The following NRXN3 variants were observed in gnomAD, a reference collection of about 807,000 sequenced individuals.
The protein encoded by NRXN3 is neurexin 3.
In NRXN3, 32 loss-of-function variants were observed where a neutral mutation model predicts 137.6. That is an observed-to-expected ratio of 0.23 (90% CI 0.18 to 0.31). NRXN3 has a LOEUF of 0.31. Ranked by LOEUF, NRXN3 falls within the 10% of genes least tolerant of loss-of-function variation. NRXN3 has a pLI of 1.00. For missense variants in NRXN3, 1,574 were observed against 2,062.5 expected, an observed-to-expected ratio of 0.76 and a Z score of 4.59; for synonymous variants, 798 against 784.5, an observed-to-expected ratio of 1.02 and a Z score of -0.29.
intron 10 of NRXN3, among the ~76,000 whole-genome samples, chr14:78,948,339 A>G (rs1390595639): frequency 6.6e-6 from 1 of 152,124 alleles, no homozygotes; most frequent in African/African-American, 2.4e-5. Context: ...CCATTCTTTG[A>G]TATTTACCCC....
At chr14:78,606,621 A>C (rs1015422331) in intron 4 of NRXN3, among the ~76,000 whole-genome samples, 1 of 152,194 alleles carries the variant, frequency 6.6e-6, no homozygotes, top group African/African-American at 2.4e-5. Flanking sequence ...TCTGGAACCT[A>C]ACACAGTGTC....
intron 15 of NRXN3, among the ~76,000 whole-genome samples, chr14:79,114,737 A>G (rs1323652640): frequency 2.0e-5 from 3 of 152,126 alleles, no homozygotes; most frequent in African/African-American, 7.2e-5. Context: ...TATGTTGCTC[A>G]GGCTGGAATC....
intron 20 of NRXN3, among the ~76,000 whole-genome samples, chr14:79,859,751 C>T (rs1316925920): frequency 6.6e-6 from 1 of 152,176 alleles, no homozygotes; most frequent in Non-Finnish European, 1.5e-5. Flanking sequence ...CAGTTGACAG[C>T]TCAATGGGTC....
intron 4 of NRXN3, among the ~76,000 whole-genome samples, chr14:78,417,158 G>A (rs1370383953): frequency 2.0e-5 from 3 of 152,208 alleles, no homozygotes; most frequent in Admixed American, 6.5e-5. Flanking sequence ...CCTGTGGGAT[G>A]TTGTCCACAC....
At chr14:79,183,731 C>T (rs57587615) in intron 15 of NRXN3, among the ~76,000 whole-genome samples, 1,689 of 152,290 alleles carry the variant, frequency 0.011, 29 homozygotes, top group African/African-American at 0.038. Context: ...CTGCTTACAA[C>T]GGCATCCTGT....
intron 15 of NRXN3, among the ~76,000 whole-genome samples, chr14:79,466,420 T>C (rs1226759652): frequency 6.6e-6 from 1 of 152,052 alleles, no homozygotes; most frequent in Non-Finnish European, 1.5e-5. Context: ...ACTCCGTCTC[T>C]ACTAAAAATA....
intron 15 of NRXN3, among the ~76,000 whole-genome samples, chr14:79,308,147 C>T (rs1160194692): frequency 6.6e-6 from 1 of 152,122 alleles, no homozygotes; most frequent in Non-Finnish European, 1.5e-5. Flanking sequence ...TCTTCTAATA[C>T]AGTCACATTC....
intron 15 of NRXN3, among the ~76,000 whole-genome samples, chr14:79,090,010 TA>T (rs1568253960): frequency 6.6e-6 from 1 of 152,232 alleles, no homozygotes; most frequent in African/African-American, 2.4e-5. Flanking sequence ...TTGAGGCCTC[TA>T]AACTAACACA....
At chr14:79,840,731 A>G (rs141985418) in intron 20 of NRXN3, among the ~76,000 whole-genome samples, 1 of 152,354 alleles carries the variant, frequency 6.6e-6, no homozygotes, top group East Asian at 1.9e-4. Flanking sequence ...AAACTAAAGC[A>G]TTTAACACGA....
intron 4 of NRXN3, among the ~76,000 whole-genome samples, chr14:78,521,188 A>G (rs899695628): frequency 2.2e-4 from 34 of 152,108 alleles, no homozygotes; most frequent in African/African-American, 7.7e-4. Flanking sequence ...CCCCACTCTA[A>G]TTCCTTTCAC....
intron 19 of NRXN3, among the ~76,000 whole-genome samples, chr14:79,785,866 C>G (rs565685423): frequency 6.6e-6 from 1 of 152,062 alleles, no homozygotes; most frequent in Non-Finnish European, 1.5e-5. Context: ...TGTTAGTCTC[C>G]TTAACATCAT....
At chr14:79,290,661 C>CAG (rs1491448176) in intron 15 of NRXN3, among the ~76,000 whole-genome samples, 1 of 109,160 alleles carries the variant, frequency 9.2e-6, no homozygotes, top group South Asian at 3.4e-4. Flanking sequence ...CTGGTGGTTC[C>CAG]AGAAAAAAAA....
chr14:78,731,607 ATGTGTG>A (rs149686835), intron 8 of NRXN3, among the ~76,000 whole-genome samples: 38 of 148,834 alleles, frequency 2.6e-4, no homozygotes, highest in African/African-American at 6.9e-4. Flanking sequence ...GTATATATAT[ATGTGTG>A]TGTGTGTGTG....
intron 10 of NRXN3, among the ~76,000 whole-genome samples, chr14:78,834,717 G>A (rs1393471810): frequency 1.3e-5 from 2 of 152,092 alleles, no homozygotes; most frequent in Admixed American, 1.3e-4. Context: ...AATTTCCTCT[G>A]CCTTCTTGCT....
At chr14:79,073,333 T>C (rs1288886384) in intron 15 of NRXN3, among the ~76,000 whole-genome samples, 1 of 152,182 alleles carries the variant, frequency 6.6e-6, no homozygotes, top group Non-Finnish European at 1.5e-5. Flanking sequence ...AATCTAGACA[T>C]GGCATTGAGG....
intron 6 of NRXN3, among the ~76,000 whole-genome samples, chr14:78,682,165 C>T (rs1160303311): frequency 6.6e-6 from 1 of 152,028 alleles, no homozygotes; most frequent in African/African-American, 2.4e-5. Flanking sequence ...CACACCTGGC[C>T]GATTGATACT....
At chr14:78,685,325 T>G (rs539381192) in intron 6 of NRXN3, among the ~76,000 whole-genome samples, 230 of 152,294 alleles carry the variant, frequency 1.5e-3, no homozygotes, top group African/African-American at 5.4e-3. Context: ...GCACATATGC[T>G]CCTATCTACT....
chr14:78,378,188 A>G (rs929658406), intron 4 of NRXN3, among the ~76,000 whole-genome samples: 8 of 152,240 alleles, frequency 5.3e-5, no homozygotes, highest in Admixed American at 1.3e-4. Context: ...GGAAGTTTCA[A>G]GAAATCAAAT....
chr14:79,306,623 G>C (rs1419268559), intron 15 of NRXN3, among the ~76,000 whole-genome samples: 1 of 151,996 alleles, frequency 6.6e-6, no homozygotes, highest in African/African-American at 2.4e-5. Flanking sequence ...AGCTTGAGAG[G>C]TGCTGTTCAC....
Sources: allele counts gnomAD v4.1 joint callset (sites outside exome capture counted in the v4.1 genomes callset), GRCh38; gene constraint gnomAD v4.1.1; transcripts MANE v1.5; gene names NCBI Gene and HGNC (gene_info 2026-07-23, HGNC 2026-07-21).